The following STXBP5L variants were observed in gnomAD, a reference collection of about 807,000 sequenced individuals.
STXBP5L encodes the protein syntaxin-binding protein 5-like.
A neutral mutation model predicts 144.5 loss-of-function variants in STXBP5L; 65 were observed. The ratio of observed to expected loss-of-function variants is 0.45; its 90% CI spans 0.37 to 0.55. The LOEUF is 0.55. Among genes scored for constraint, STXBP5L ranks in the 20% least tolerant of loss-of-function variants. The probability of loss-of-function intolerance (pLI) is 0.00; values close to 1 mark genes in which losing one functional copy is unlikely to be tolerated. For missense variants in STXBP5L, 1,298 were observed against 1,405.5 expected (o/e 0.92, Z 1.22); for synonymous variants, 505 against 469.6 (o/e 1.08, Z -0.97).
intron 19 of STXBP5L, among the ~76,000 whole-genome samples, chr3:121,312,519 C>T (rs2043576030): frequency 8.4e-6 from 1 of 118,648 alleles, no homozygotes; most frequent in Admixed American, 1.1e-4. Flanking sequence ...GGGGATTTGG[C>T]AGGGTCATAG....
intron 19 of STXBP5L, among the ~76,000 whole-genome samples, chr3:121,313,220 C>A (rs1397667514): frequency 1.9e-4 from 21 of 108,398 alleles, no homozygotes; most frequent in Admixed American, 3.5e-4. Context: ...GGGGGGCTGA[C>A]CCCCCCCACC....
chr3:121,282,117 C>G, intron 19 of STXBP5L: 9 of 462,348 alleles, frequency 1.9e-5, no homozygotes, highest in Non-Finnish European at 2.7e-5. Flanking sequence ...TTATTAATAT[C>G]TCCTTCTAAT....
Position 121,139,397 on chromosome 3 carries a change from G to T in STXBP5L, c.670-13080G>T, listed in dbSNP as rs188600539. ...ACTAAAAAGAAAAAGAATGACACAT[G>T]TCAAATTTTTAAAAACCCTATGAGA... On this transcript the variant is annotated intron_variant, in intron 7 of 26. Transcript: ENST00000471454. Among the ~76,000 whole-genome samples, 707 of 152,120 alleles carry T rather than the reference G, an allele frequency of 4.6e-3. 2 individuals are homozygous for T. Among genetic ancestry groups the T allele is most frequent in the Non-Finnish European group, 6.9e-3 (466 of 67,886 alleles).
chr3:121,299,975 CA>C (rs35062789), intron 19 of STXBP5L, among the ~76,000 whole-genome samples: 32,186 of 115,608 alleles, frequency 0.28, 3,448 homozygotes, highest in Admixed American at 0.34. Flanking sequence ...GACCTGATCT[CA>C]AAAAAAAAAA....
At chr3:120,986,266 G>A (rs890900119) in intron 3 of STXBP5L, among the ~76,000 whole-genome samples, 3 of 151,832 alleles carry the variant, frequency 2.0e-5, no homozygotes, top group Admixed American at 6.6e-5. Context: ...TGTATGTTCT[G>A]TATTTTTGAA....
chr3:120,921,818 G>A lies in STXBP5L; in HGVS notation c.189+12051G>A, dbSNP rs529379458. On this transcript the variant is annotated intron_variant, in intron 2 of 26. Coordinates refer to ENST00000471454, the MANE Select transcript of STXBP5L (RefSeq NM_001308330.2). ...CTGGGTTTTCTGTTCTGTTCCATTG[G>A]TCTATGTATCTTTGTTTATGCCAGT... 3.3e-5 allele frequency among the ~76,000 whole-genome samples: 5 copies of A among 152,058 alleles called. No individual in the cohort carries two copies. The South Asian group carries it at 6.2e-4, about 19-fold the overall frequency.
chr3:120,971,729 T>C (rs911869070), intron 3 of STXBP5L, among the ~76,000 whole-genome samples: 4 of 150,882 alleles, frequency 2.7e-5, no homozygotes, highest in African/African-American at 9.8e-5. Context: ...TACACACACA[T>C]ATATGTGTGT....
rs865873766 is a variant in STXBP5L, at chr3:120,955,034, G to A, written c.284G>A (p.Arg95Gln). 5.6e-6 allele frequency: 9 copies of A among 1,609,856 alleles called. No individual in the cohort carries two copies. The highest frequency in any genetic ancestry group is 7.6e-6 in the Non-Finnish European group (9 of 1,177,630). ...ATTGGGACGAGAACAGGTGCTATAC[G>A]AATGTATCCTTAAATTTTGGTTCAT... Reference protein sequence around the residue: ...LAIGTRTGAIRILGRPGVDCY... With the variant: ...LAIGTRTGAIQILGRPGVDCY... Residue 95 changes from arginine (R) to glutamine (Q), a missense_variant, in exon 3 of 27, where the codon CGA becomes CAA. Arg to Gln is a conservative substitution (Grantham distance 43). Coordinates refer to ENST00000471454, the MANE Select transcript of STXBP5L (RefSeq NM_001308330.2).
intron 2 of STXBP5L, among the ~76,000 whole-genome samples, chr3:120,914,735 G>A (rs1709020649): frequency 6.6e-6 from 1 of 152,072 alleles, no homozygotes; most frequent in South Asian, 2.1e-4. Context: ...TGAGATGTGT[G>A]GATTTGTTAC....
At chr3:121,171,580 G>A (rs899247735) in intron 9 of STXBP5L, among the ~76,000 whole-genome samples, 2 of 152,050 alleles carry the variant, frequency 1.3e-5, no homozygotes, top group African/African-American at 4.8e-5. Flanking sequence ...GCCAAGTCAT[G>A]AGTGAACTCT....
intron 9 of STXBP5L, among the ~76,000 whole-genome samples, chr3:121,199,932 G>A (rs1249599876): frequency 6.6e-6 from 1 of 152,046 alleles, no homozygotes; most frequent in Non-Finnish European, 1.5e-5. Context: ...AGGGATATTG[G>A]CCTGAAATTT....
At chr3:121,058,144 A>G (rs1428566123) in intron 5 of STXBP5L, among the ~76,000 whole-genome samples, 1 of 152,062 alleles carries the variant, frequency 6.6e-6, no homozygotes, top group Non-Finnish European at 1.5e-5. Context: ...ATCACCCAAC[A>G]GGACCAGTGT....
chr3:120,977,621 G>T lies in STXBP5L; in HGVS notation c.287+22584G>T, dbSNP rs1035004066. On this transcript the variant is annotated intron_variant, in intron 3 of 26. Coordinates refer to ENST00000471454, the MANE Select transcript of STXBP5L (RefSeq NM_001308330.2). Reference sequence around the variant, plus strand: ...GCTGGTTATTTTGCTCCTTAGTTGAGGCAGTTTCTTCCTAGCTTCGATGGT... The same window carrying T: ...GCTGGTTATTTTGCTCCTTAGTTGATGCAGTTTCTTCCTAGCTTCGATGGT... Among the ~76,000 whole-genome samples the T allele has an allele frequency of 6.6e-5, 10 of 152,180 alleles. No homozygotes were observed. The East Asian group carries it at 1.9e-3, about 29-fold the overall frequency.
intron 19 of STXBP5L, chr3:121,282,415 A>C (rs2051091687): frequency 7.2e-7 from 1 of 1,397,088 alleles, no homozygotes; most frequent in East Asian, 2.4e-5. Context: ...AGTGCTCAGT[A>C]ATGTGTTTCT....
intron 22 of STXBP5L, among the ~76,000 whole-genome samples, chr3:121,389,260 T>C (rs2046511877): frequency 6.6e-6 from 1 of 152,210 alleles, no homozygotes; most frequent in Non-Finnish European, 1.5e-5. Context: ...TTTTATTGCG[T>C]CTACTTGATT....
chr3:121,151,058 C>T (rs540478434), intron 7 of STXBP5L, among the ~76,000 whole-genome samples: 11 of 151,822 alleles, frequency 7.2e-5, no homozygotes, highest in African/African-American at 2.7e-4. Flanking sequence ...CTGCACTCCA[C>T]CCTGGGTGGC....
chr3:121,302,329 A>G (rs367580514), intron 19 of STXBP5L, among the ~76,000 whole-genome samples: 4 of 152,134 alleles, frequency 2.6e-5, no homozygotes, highest in African/African-American at 9.7e-5. Context: ...GTTTATTTGC[A>G]TAGAGGTGTT....
chr3:121,331,779 A>C (rs939206837), intron 20 of STXBP5L, among the ~76,000 whole-genome samples: 3 of 152,162 alleles, frequency 2.0e-5, no homozygotes, highest in African/African-American at 7.2e-5. Flanking sequence ...AAGCCTGAAC[A>C]TTTCAACCCA....
At chr3:121,029,413 A>T (rs545107948) in intron 3 of STXBP5L, among the ~76,000 whole-genome samples, 17 of 152,286 alleles carry the variant, frequency 1.1e-4, no homozygotes, top group Non-Finnish European at 1.9e-4. Context: ...CAAACCTGAC[A>T]AAAACAAGAA....
Sources: gnomAD v4.1 joint callset for allele counts (sites outside exome capture counted in the v4.1 genomes callset) on GRCh38, gnomAD v4.1.1 for gene constraint, MANE v1.5 for transcripts, NCBI Gene and HGNC (gene_info 2026-07-23, HGNC 2026-07-21) for gene names.